The following PLAG1 variants were observed in gnomAD, a reference collection of about 807,000 sequenced individuals.
PLAG1 encodes PLAG1 zinc finger.
Under a neutral mutation model 35.5 loss-of-function variants are expected in PLAG1, and 7 were observed. The ratio of observed to expected loss-of-function variants is 0.20; its 90% CI spans 0.11 to 0.37. The LOEUF is 0.37. Among genes scored for constraint, PLAG1 ranks in the 10% least tolerant of loss-of-function variants. The pLI, the probability that PLAG1 is intolerant of heterozygous loss-of-function variation, is 1.00. For synonymous variants in PLAG1, 229 were observed against 225.4 expected (o/e 1.02, Z -0.14); for missense variants, 454 against 602.8 (o/e 0.75, Z 2.58).
At chr8:56,210,757 C>G (rs1174721329) in intron 1 of PLAG1, among the ~76,000 whole-genome samples, 1 of 151,690 alleles carries the variant, frequency 6.6e-6, no homozygotes, top group Admixed American at 6.6e-5. Context: ...TCACAATATT[C>G]ACAGCACCAG....
intron 1 of PLAG1, among the ~76,000 whole-genome samples, chr8:56,190,317 G>C (rs59061242): frequency 0.033 from 5,098 of 152,234 alleles, 288 homozygotes; most frequent in African/African-American, 0.12. Context: ...AGAATGGACA[G>C]AGTGGGGAAG....
At position 56,161,316 on chromosome 8, in the gene PLAG1, TTTC is replaced by T. The variant is rs1194872449; in HGVS notation, c.*4924_*4926del. On this transcript the variant is annotated 3_prime_UTR_variant, in exon 5 of 5. Transcript: ENST00000316981. ...AAATTCGGCCTGGAATGCAGATTTT[TTTC>T]TTTTCTATTTTGACTCAAAACTTTA... is the stretch of plus-strand genomic sequence containing the variant. The T allele has an allele frequency of 1.4e-5, 3 of 210,450 alleles. No homozygotes were observed. The highest frequency in any genetic ancestry group is 5.9e-5 in the Admixed American group (1 of 16,900). 13.0% of individuals were successfully genotyped at this position (210,450 alleles called of 1,614,324 possible).
intron 1 of PLAG1, among the ~76,000 whole-genome samples, chr8:56,204,750 G>T (rs1812650959): frequency 6.6e-6 from 1 of 151,760 alleles, no homozygotes; most frequent in Non-Finnish European, 1.5e-5. Flanking sequence ...TCCAATATTG[G>T]TCTGCAATAA....
At chr8:56,193,276 T>G (rs1585811879) in intron 1 of PLAG1, among the ~76,000 whole-genome samples, 1 of 152,176 alleles carries the variant, frequency 6.6e-6, no homozygotes, top group African/African-American at 2.4e-5. Flanking sequence ...TGCTGAGGTG[T>G]GGTGACTTGA....
intron 1 of PLAG1, among the ~76,000 whole-genome samples, chr8:56,202,976 A>C (rs1012871096): frequency 6.6e-6 from 1 of 152,210 alleles, no homozygotes; most frequent in African/African-American, 2.4e-5. Flanking sequence ...AATACCATTA[A>C]AAGTATTAAA....
At chr8:56,180,684 T>C (rs1483353667) in intron 1 of PLAG1, among the ~76,000 whole-genome samples, 2 of 152,250 alleles carry the variant, frequency 1.3e-5, no homozygotes, top group African/African-American at 4.8e-5. Flanking sequence ...ATTCTGCATA[T>C]GGCTAGACAG....
In PLAG1 at chr8:56,167,697, T is replaced by G. The variant is rs990502349; in HGVS notation, c.243-194A>C. Among the ~76,000 whole-genome samples the G allele has an allele frequency of 2.6e-5, 4 of 152,242 alleles. No individual in the cohort carries two copies. The highest frequency in any genetic ancestry group is 5.9e-5 in the Non-Finnish European group (4 of 68,036). ...ACTTGAGCCATTTAAGTTGCCACTT[T>G]AGTTTTTGCTGGTTTCCAGCTATCA... On this transcript the variant is annotated intron_variant, in intron 4 of 4. Coordinates refer to ENST00000316981, the MANE Select transcript of PLAG1 (RefSeq NM_002655.3). This position sits in a 1 kb window ranked among gnomAD's most constrained non-coding sequence, Gnocchi z 5.9.
intron 1 of PLAG1, among the ~76,000 whole-genome samples, chr8:56,196,194 G>A (rs945548441): frequency 6.6e-6 from 1 of 152,140 alleles, no homozygotes; most frequent in African/African-American, 2.4e-5. Flanking sequence ...ACACCCGCAG[G>A]AAAATAAACA....
chr8:56,176,079 T>TCTG (rs1206373977), intron 2 of PLAG1, among the ~76,000 whole-genome samples: 2 of 146,106 alleles, frequency 1.4e-5, no homozygotes, highest in African/African-American at 5.1e-5. Context: ...AGGGTTTCAC[T>TCTG]CTGTCACCTA....
At chr8:56,192,201 T>C (rs1812205266) in intron 1 of PLAG1, among the ~76,000 whole-genome samples, 1 of 152,238 alleles carries the variant, frequency 6.6e-6, no homozygotes, top group Non-Finnish European at 1.5e-5. Context: ...AAGTCTTCCC[T>C]GGAGGTCAAA....
chr8:56,164,265 G>C lies in PLAG1; in HGVS notation c.*1978C>G, dbSNP rs1460085884. 1 of 212,578 alleles carries C rather than the reference G, an allele frequency of 4.7e-6. No homozygotes were observed. The highest frequency in any genetic ancestry group is 9.5e-6 in the Non-Finnish European group (1 of 105,014). The allele number at this position is 212,578 out of a possible 1,614,324, so 13.2% of individuals were successfully genotyped here. ...ATATAGGAGCATGATAAAATATCAG[G>C]AGCCAAAGCTCCTTCAGAGAGCAAC... is the stretch of plus-strand genomic sequence containing the variant. On this transcript the variant is annotated 3_prime_UTR_variant, in exon 5 of 5. Coordinates refer to ENST00000316981, the MANE Select transcript of PLAG1 (RefSeq NM_002655.3).
At chr8:56,169,876 T>C (rs1478036389) in intron 3 of PLAG1, among the ~76,000 whole-genome samples, 1 of 152,148 alleles carries the variant, frequency 6.6e-6, no homozygotes, top group African/African-American at 2.4e-5. Flanking sequence ...ATAGAAATAA[T>C]ACCTGCAACC....
At position 56,179,694 on chromosome 8, in the gene PLAG1, A is replaced by G. The variant is rs1811808654; in HGVS notation, c.-321-181T>C. On this transcript the variant is annotated intron_variant, in intron 1 of 4. Transcript: ENST00000316981. The stretch of plus-strand genomic sequence containing the variant: ...ACATGGAAAAATGAAAAGTACACAA[A>G]TTAATATCCCTAGATTTATATATTT... 2.0e-5 allele frequency among the ~76,000 whole-genome samples: 3 copies of G among 152,326 alleles called. No individual in the cohort carries two copies. The South Asian group carries it at 6.2e-4, about 32-fold the overall frequency.
intron 1 of PLAG1, among the ~76,000 whole-genome samples, chr8:56,191,011 T>C (rs1027071999): frequency 6.6e-6 from 1 of 152,072 alleles, no homozygotes; most frequent in Admixed American, 6.5e-5. Flanking sequence ...AGCCCGGCGC[T>C]ACGGAATTTA....
chr8:56,201,806 A>C (rs1361549867), intron 1 of PLAG1, among the ~76,000 whole-genome samples: 1 of 152,230 alleles, frequency 6.6e-6, no homozygotes, highest in Non-Finnish European at 1.5e-5. Context: ...AAAGACTGAT[A>C]GGTAGCCAAA....
chr8:56,163,704 C>CTGT lies in PLAG1; in HGVS notation c.*2538_*2539insACA, dbSNP rs1172511669. On this transcript the variant is annotated 3_prime_UTR_variant, in exon 5 of 5. Coordinates refer to ENST00000316981, the MANE Select transcript of PLAG1 (RefSeq NM_002655.3). ...ATACACACACACACACACACATACA[C>CTGT]ATACATACATATATGGCGCTATTCC... The CTGT allele has an allele frequency of 5.2e-6, 1 of 190,592 alleles. No homozygotes were observed. The highest frequency in any genetic ancestry group is 1.1e-5 in the Non-Finnish European group (1 of 90,834). The allele number at this position is 190,592 out of a possible 1,614,324, so 11.8% of individuals were successfully genotyped here. A position where few individuals can be genotyped will look rare whatever the true frequency, so the allele number is the denominator to read the frequency against.
In PLAG1 at chr8:56,163,625, T is replaced by C. The variant is rs1811270320; in HGVS notation, c.*2618A>G. The stretch of plus-strand genomic sequence containing the variant: ...CTGGTGCCCTGAAGATGTGCCTCCA[T>C]GTATTTGAATTTCATGCAGGGCAAG... On this transcript the variant is annotated 3_prime_UTR_variant, in exon 5 of 5. Transcript: ENST00000316981. 2 of 195,786 alleles carry C rather than the reference T, an allele frequency of 1.0e-5. No homozygotes were observed. The allele number at this position is 195,786 out of a possible 1,614,324, so 12.1% of individuals were successfully genotyped here.
intron 1 of PLAG1, among the ~76,000 whole-genome samples, chr8:56,208,127 AT>A (rs1812748066): frequency 6.6e-6 from 1 of 152,126 alleles, no homozygotes; most frequent in African/African-American, 2.4e-5. Context: ...CAAAGTGGCA[AT>A]TATTCAAGAT....
At chr8:56,193,114 G>A (rs572388362) in intron 1 of PLAG1, among the ~76,000 whole-genome samples, 2 of 152,314 alleles carry the variant, frequency 1.3e-5, no homozygotes, top group South Asian at 2.1e-4. Flanking sequence ...TTCTTTTGGT[G>A]TGTGATAATT....
Sources: gnomAD v4.1 joint callset for allele counts (sites outside exome capture counted in the v4.1 genomes callset) on GRCh38, gnomAD v4.1.1 for gene constraint, Gnocchi (gnomAD v3.1) non-coding constraint, MANE v1.5 for transcripts, NCBI Gene and HGNC (gene_info 2026-07-23, HGNC 2026-07-21) for gene names.